TAF12: variants seen among roughly 807,000 people sequenced by gnomAD.
TAF12 encodes the protein transcription initiation factor TFIID subunit 12.
In TAF12, 3 loss-of-function variants were observed where a neutral mutation model predicts 20.8. The ratio of observed to expected loss-of-function variants is 0.14; its 90% CI spans 0.07 to 0.37. The LOEUF is 0.37. Ranked by LOEUF, TAF12 falls within the 10% of genes least tolerant of loss-of-function variation. The pLI is 1.00. For missense variants in TAF12, 131 were observed against 197.9 expected, an observed-to-expected ratio of 0.66 and a Z score of 2.03; for synonymous variants, 69 against 70.2, an observed-to-expected ratio of 0.98 and a Z score of 0.09.
intron 1 of TAF12, 122 bp from the exon 2 acceptor site, chr1:28,622,287 A>T: frequency 1.1e-6 from 1 of 932,376 alleles, no homozygotes; most frequent in South Asian, 3.3e-5. Context: ...TGGGAGGCCC[A>T]GGTGGTAGCA....
At chr1:28,643,122 G>A, upstream of TAF12, 1 of 985,862 alleles carries the variant, frequency 1.0e-6, no homozygotes, top group Non-Finnish European at 1.2e-6. Context: ...ACCCGGAAAC[G>A]CGCGGCTCTT....
At chr1:28,605,631 T>G (rs1033151158) in intron 4 of TAF12, among the ~76,000 whole-genome samples, 171 bp from the exon 5 acceptor site, 1 of 151,174 alleles carries the variant, frequency 6.6e-6, no homozygotes, top group Non-Finnish European at 1.5e-5. Flanking sequence ...AGGTTTTTTC[T>G]TTTTTTTTGG....
chr1:28,618,010 T>C lies in TAF12; in HGVS notation c.189A>G (p.Leu63=). The C allele has an allele frequency of 6.2e-7, 1 of 1,613,912 alleles. No homozygotes were observed. Among genetic ancestry groups the C allele is most frequent in the Non-Finnish European group, 8.5e-7 (1 of 1,179,930 alleles). ...GATCCACTTCTCTTACTAAGTCCTGTAATTTCTTCTTGGTCAATACCTAAA... is the reference window on the plus strand; with the variant it reads ...GATCCACTTCTCTTACTAAGTCCTGCAATTTCTTCTTGGTCAATACCTAAA... ...ENNQVLTKKK[L]QDLVREVDPN... Residue 63 remains leucine, a synonymous_variant, in exon 3 of 6, where the codon TTA becomes TTG. Coordinates refer to ENST00000373824, the MANE Select transcript of TAF12 (RefSeq NM_005644.4).
At chr1:28,647,598 G>A (rs1271367293), upstream of TAF12, among the ~76,000 whole-genome samples, 1 of 152,230 alleles carries the variant, frequency 6.6e-6, no homozygotes, top group East Asian at 1.9e-4. Flanking sequence ...AACAGGCCGG[G>A]CACGGTGGCT....
intron 3 of TAF12, 83 bp from the exon 4 acceptor site, chr1:28,613,444 T>C (rs1666930280): frequency 3.4e-6 from 4 of 1,188,420 alleles, no homozygotes; most frequent in Non-Finnish European, 4.8e-6. Context: ...TCAGCTTGGA[T>C]TGCATATTTA....
intron 2 of TAF12, among the ~76,000 whole-genome samples, chr1:28,619,768 T>A (rs1004644559): frequency 6.7e-6 from 1 of 149,248 alleles, no homozygotes; most frequent in East Asian, 2.0e-4. Flanking sequence ...CTGACCAACA[T>A]GGCGAAACCC....
At chr1:28,612,330 G>C (rs1361388582) in intron 4 of TAF12, among the ~76,000 whole-genome samples, 1 of 151,542 alleles carries the variant, frequency 6.6e-6, no homozygotes, top group Non-Finnish European at 1.5e-5. Flanking sequence ...CAGGCCTGTA[G>C]TCCCAGCTAC....
upstream of TAF12, among the ~76,000 whole-genome samples, chr1:28,646,670 C>G (rs1397319964): frequency 6.6e-6 from 1 of 151,044 alleles, no homozygotes; most frequent in Non-Finnish European, 1.5e-5. Context: ...GCTAGGATTA[C>G]AGGCACCTGC....
intron 1 of TAF12, among the ~76,000 whole-genome samples, chr1:28,629,480 C>A (rs139618475): frequency 3.9e-5 from 6 of 152,176 alleles, no homozygotes; most frequent in African/African-American, 1.4e-4. Flanking sequence ...ATTACAGGCA[C>A]GTACTACCAC....
rs1667243957 is a variant in TAF12, at chr1:28,622,259, A to G, written c.-84-94T>C. 3 of 1,261,706 alleles carry G rather than the reference A, an allele frequency of 2.4e-6. No homozygotes were observed. The African/African-American group carries it at 4.7e-5, about 20-fold the overall frequency. The allele number at this position is 1,261,706 out of a possible 1,614,324, so 78.2% of individuals were successfully genotyped here. Reference sequence around the variant, plus strand: ...AAGAGGCCTGGTGCAATGGCTCACAACTGTAATCCCAGCACTTTGGGAGGC... The same window carrying G: ...AAGAGGCCTGGTGCAATGGCTCACAGCTGTAATCCCAGCACTTTGGGAGGC... On this transcript the variant is annotated intron_variant, in intron 1 of 5. Transcript: ENST00000373824.
intron 1 of TAF12, among the ~76,000 whole-genome samples, chr1:28,635,738 C>T (rs1369666485): frequency 6.6e-6 from 1 of 151,710 alleles, no homozygotes; most frequent in East Asian, 1.9e-4. Flanking sequence ...TCTAATTTTT[C>T]ATAGGGTAGG....
At chr1:28,629,537 T>C (rs941331997) in intron 1 of TAF12, among the ~76,000 whole-genome samples, 2 of 152,170 alleles carry the variant, frequency 1.3e-5, no homozygotes, top group African/African-American at 4.8e-5. Context: ...AGTTTTCCCA[T>C]GTTGGCCAGG....
In TAF12 at chr1:28,603,260, A is replaced by G. The variant is rs1258978682; in HGVS notation, c.*279T>C. ...CAAAAAGACCATAATGCTTTGTCCC[A>G]TATTCAGTCACTTATATAATAAACC... On this transcript the variant is annotated 3_prime_UTR_variant, in exon 6 of 6. Transcript: ENST00000373824. 3 of 455,840 alleles carry G rather than the reference A, an allele frequency of 6.6e-6. No individual in the cohort carries two copies. The highest frequency in any genetic ancestry group is 5.9e-5 in the African/African-American group (3 of 51,278). 28.2% of individuals were successfully genotyped at this position (455,840 alleles called of 1,614,324 possible).
intron 1 of TAF12, among the ~76,000 whole-genome samples, chr1:28,628,453 A>C (rs1667508617): frequency 6.6e-6 from 1 of 152,108 alleles, no homozygotes; most frequent in African/African-American, 2.4e-5. Flanking sequence ...AAACCCATAG[A>C]CAGAAAGTAG....
intron 3 of TAF12, among the ~76,000 whole-genome samples, chr1:28,616,213 A>T (rs927248837): frequency 6.6e-6 from 1 of 151,802 alleles, no homozygotes; most frequent in African/African-American, 2.4e-5. Context: ...CCTGGCCAAC[A>T]TGGTAAAACT....
rs560995453 is a variant in TAF12 at position 28,630,030 on chromosome 1, G to A, written c.-84-7865C>T. ...TCAGAGCTCACTACAGCCTCAACCA[G>A]CTGGACTCAAGCTATCCTCCCACCT... On this transcript the variant is annotated intron_variant, in intron 1 of 5. Coordinates refer to ENST00000373824, the MANE Select transcript of TAF12 (RefSeq NM_005644.4). Among the ~76,000 whole-genome samples the A allele has an allele frequency of 4.6e-5, 7 of 152,242 alleles. No homozygotes were observed. In the South Asian group the frequency reaches 1.4e-3, roughly 32 times the overall value.
At chr1:28,620,160 A>ATC (rs746346645) in intron 2 of TAF12, among the ~76,000 whole-genome samples, 4 of 151,278 alleles carry the variant, frequency 2.6e-5, no homozygotes, top group Admixed American at 6.6e-5. Context: ...TTGAGACGGA[A>ATC]TCTCGTTCTA....
At chr1:28,636,655 G>A (rs1570338564) in intron 1 of TAF12, among the ~76,000 whole-genome samples, 2 of 151,786 alleles carry the variant, frequency 1.3e-5, no homozygotes, top group African/African-American at 4.8e-5. Context: ...CAAAAAATTT[G>A]CCAGGCGTGG....
At chr1:28,612,444 A>AATATATATATATATATTT (rs1666891054) in intron 4 of TAF12, among the ~76,000 whole-genome samples, 2 of 146,738 alleles carry the variant, frequency 1.4e-5, no homozygotes, top group South Asian at 2.1e-4. Context: ...CGATCAAAAA[A>AATATATATATATATATTT]ATATATATAT....
Sources: gnomAD v4.1 joint callset for allele counts (sites outside exome capture counted in the v4.1 genomes callset) on GRCh38, gnomAD v4.1.1 for gene constraint, MANE v1.5 for transcripts, NCBI Gene and HGNC (gene_info 2026-07-23, HGNC 2026-07-21) for gene names.